SERINC5: variants seen among roughly 807,000 people sequenced by gnomAD.
The protein encoded by SERINC5 is serine incorporator 5.
A neutral mutation model predicts 63.1 loss-of-function variants in SERINC5; 41 were observed. That is an observed-to-expected ratio of 0.65 (90% CI 0.51 to 0.84). The LOEUF (loss-of-function observed/expected upper bound fraction) is 0.84. SERINC5 is among the 40% of genes least tolerant of loss of function. SERINC5 has a pLI of 0.00. For missense variants in SERINC5, 523 were observed against 573.0 expected, an observed-to-expected ratio of 0.91 and a Z score of 0.89; for synonymous variants, 222 against 215.2, an observed-to-expected ratio of 1.03 and a Z score of -0.28.
At chr5:80,169,006 C>G (rs1747478438) in intron 6 of SERINC5, among the ~76,000 whole-genome samples, 1 of 152,222 alleles carries the variant, frequency 6.6e-6, no homozygotes, top group African/African-American at 2.4e-5. Flanking sequence ...TGTAGGCAAG[C>G]TCATAAACAC....
downstream of SERINC5, among the ~76,000 whole-genome samples, chr5:80,136,750 T>C (rs781744798): frequency 2.0e-5 from 3 of 152,108 alleles, no homozygotes; most frequent in East Asian, 1.9e-4. Flanking sequence ...AACTGCTCAA[T>C]AGCAAGAAAA....
Position 80,177,948 on chromosome 5 carries a change from G to A in SERINC5, c.312C>T (p.Ile104=). Reference sequence around the variant, plus strand: ...TGATTTTCAAGGTCAGTAGACAGAAGATAAAGAAGAAACAAGCCATTCCAA... The same window carrying A: ...TGATTTTCAAGGTCAGTAGACAGAAAATAAAGAAGAAACAAGCCATTCCAA... ...VCFGMACFFF[I]FCLLTLKINN... Residue 104 remains isoleucine (I), a synonymous_variant, in exon 3 of 12, where the codon ATC becomes ATT. Transcript: ENST00000507668. 1 of 1,611,818 alleles carries A rather than the reference G, an allele frequency of 6.2e-7. No homozygotes were observed. Among genetic ancestry groups the A allele is most frequent in the East Asian group, 2.2e-5 (1 of 44,810 alleles).
At position 80,142,305 on chromosome 5, in the gene SERINC5, C is replaced by T; in HGVS notation, c.*1358G>A. ...AAATTCCTGTGCAGCGTGATCTCGG[C>T]TCACTGCAACCTCCGCCTCCCGGGT... On this transcript the variant is annotated 3_prime_UTR_variant, in exon 12 of 12. Coordinates refer to ENST00000507668, the MANE Select transcript of SERINC5 (RefSeq NM_001174072.3). 1.0e-6 allele frequency: 1 copy of T among 984,160 alleles called. No homozygotes were observed. The highest frequency in any genetic ancestry group is 1.7e-5 in the African/African-American group (1 of 57,286). 61.0% of individuals were successfully genotyped at this position (984,160 alleles called of 1,614,324 possible).
intron 1 of SERINC5, among the ~76,000 whole-genome samples, chr5:80,207,937 G>A (rs1018463249): frequency 6.6e-6 from 1 of 152,154 alleles, no homozygotes; most frequent in Non-Finnish European, 1.5e-5. Flanking sequence ...GTTTCTGGAG[G>A]AGCATACCTT....
intron 2 of SERINC5, among the ~76,000 whole-genome samples, chr5:80,186,759 C>G (rs901535066): frequency 1.3e-5 from 2 of 152,124 alleles, no homozygotes; most frequent in Non-Finnish European, 2.9e-5. Context: ...CCAGATGCTA[C>G]AAACATAGAA....
At chr5:80,181,582 C>T (rs1242481333) in intron 2 of SERINC5, among the ~76,000 whole-genome samples, 1 of 152,196 alleles carries the variant, frequency 6.6e-6, no homozygotes, top group Non-Finnish European at 1.5e-5. Flanking sequence ...TTCATGAAGA[C>T]ATGTGAAAGA....
intron 5 of SERINC5, among the ~76,000 whole-genome samples, chr5:80,173,451 C>T (rs1194366851): frequency 1.3e-5 from 2 of 152,106 alleles, no homozygotes; most frequent in East Asian, 3.9e-4. Flanking sequence ...AAAAAATTAG[C>T]CGGGCATGGT....
intron 1 of SERINC5, among the ~76,000 whole-genome samples, chr5:80,227,694 T>C (rs1751231671): frequency 6.6e-6 from 1 of 151,828 alleles, no homozygotes; most frequent in African/African-American, 2.4e-5. Context: ...AGTTAAAAAT[T>C]CAAAAACTAG....
In SERINC5 at chr5:80,122,292, T is replaced by C. The variant is rs544368126; in HGVS notation, c.1239-8667A>G. Among the ~76,000 whole-genome samples, 11 of 151,658 alleles carry C rather than the reference T, an allele frequency of 7.3e-5. No individual in the cohort carries two copies. The South Asian group carries it at 2.3e-3, about 32-fold the overall frequency. On this transcript the variant is annotated intron_variant, in intron 11 of 12. Coordinates refer to the SERINC5 transcript ENST00000509193. ...ATCTGCAGGCCGATCTGATGTCCAA[T>C]GTTTGAGGGCAGGAAGCATCCAGCA...
intron 12 of SERINC5, among the ~76,000 whole-genome samples, chr5:80,112,094 G>A (rs112954432): frequency 6.6e-6 from 1 of 152,166 alleles, no homozygotes; most frequent in African/African-American, 2.4e-5. Context: ...TGTCCTCATG[G>A]GATGGGAAAG....
intron 2 of SERINC5, among the ~76,000 whole-genome samples, chr5:80,185,665 A>C (rs1748749547): frequency 6.6e-6 from 1 of 152,040 alleles, no homozygotes; most frequent in Admixed American, 6.6e-5. Flanking sequence ...GGAAAATTAC[A>C]GTCAAAGGGG....
At chr5:80,209,329 G>A (rs1290878075) in intron 1 of SERINC5, among the ~76,000 whole-genome samples, 1 of 151,710 alleles carries the variant, frequency 6.6e-6, no homozygotes, top group Non-Finnish European at 1.5e-5. Flanking sequence ...AATCCAACAG[G>A]ACTGCTTCTA....
At chr5:80,219,533 T>C (rs1750810271) in intron 1 of SERINC5, among the ~76,000 whole-genome samples, 1 of 152,180 alleles carries the variant, frequency 6.6e-6, no homozygotes, top group Admixed American at 6.5e-5. Context: ...AAGCAAGCAC[T>C]GCCAGATGCC....
downstream of SERINC5, among the ~76,000 whole-genome samples, chr5:80,138,143 AGT>A (rs1367104009): frequency 6.8e-6 from 1 of 147,324 alleles, no homozygotes; most frequent in Non-Finnish European, 1.5e-5. Context: ...AGAGATGCAG[AGT>A]GTAAAGGTGG....
rs1752652104 is a variant in SERINC5 at position 80,255,832 on chromosome 5, C to A, written c.27+64G>T. 7.1e-6 allele frequency: 11 copies of A among 1,544,728 alleles called. 1 individual carries two copies. In the South Asian group the frequency reaches 1.3e-4, roughly 18 times the overall value. On this transcript the variant is annotated intron_variant, in intron 1 of 11. Transcript: ENST00000507668. ...GGAGCGCACCCAGGCAGGTCCTCCA[C>A]GCCTGGACTCCTGGCCCGGTTCTCC...
At position 80,152,620 on chromosome 5, in the gene SERINC5, T is replaced by C. The variant is rs138264143; in HGVS notation, c.987-1672A>G. Among the ~76,000 whole-genome samples, 252 of 152,294 alleles carry C rather than the reference T, an allele frequency of 1.7e-3. 1 individual carries two copies. The highest frequency in any genetic ancestry group is 0.01 in the Middle Eastern group (3 of 294). Reference sequence around the variant, plus strand: ...AGAGATCACTATCTGAAATTTTCATTTGAAAGGTTAACATTCATTATTTAT... The same window carrying C: ...AGAGATCACTATCTGAAATTTTCATCTGAAAGGTTAACATTCATTATTTAT... On this transcript the variant is annotated intron_variant, in intron 8 of 11. Coordinates refer to ENST00000507668, the MANE Select transcript of SERINC5 (RefSeq NM_001174072.3).
At chr5:80,212,665 T>TGGGGGGGGGGGG (rs752075084) in intron 1 of SERINC5, among the ~76,000 whole-genome samples, 5 of 50,200 alleles carry the variant, frequency 1.0e-4, no homozygotes, top group African/African-American at 3.9e-4. Context: ...AGTGGTGGGG[T>TGGGGGGGGGGGG]GGGGGGGGGG....
chr5:80,143,419 T>C lies in SERINC5; in HGVS notation c.*244A>G, dbSNP rs1318161956. The C allele has an allele frequency of 7.3e-6, 9 of 1,233,956 alleles. No homozygotes were observed. Among genetic ancestry groups the C allele is most frequent in the Non-Finnish European group, 9.1e-6 (9 of 986,716 alleles). The allele number at this position is 1,233,956 out of a possible 1,614,324, so 76.4% of individuals were successfully genotyped here. A position where few individuals can be genotyped will look rare whatever the true frequency, so the allele number is the denominator to read the frequency against. On this transcript the variant is annotated 3_prime_UTR_variant, in exon 12 of 12. Transcript: ENST00000507668. ...GTCAACATAACTGGTATCCAGTTCC[T>C]AGGGGTAAGATATTTCAACCATGAT...
chr5:80,225,230 T>C (rs567656338), intron 1 of SERINC5, among the ~76,000 whole-genome samples: 1 of 152,348 alleles, frequency 6.6e-6, no homozygotes, highest in South Asian at 2.1e-4. Flanking sequence ...CACTAGATTC[T>C]TTACATAAGT....
Sources: gnomAD v4.1 joint callset for allele counts (sites outside exome capture counted in the v4.1 genomes callset) on GRCh38, gnomAD v4.1.1 for gene constraint, MANE v1.5 for transcripts, NCBI Gene and HGNC (gene_info 2026-07-23, HGNC 2026-07-21) for gene names.